The following MYO9A variants were observed in gnomAD, a reference collection of about 807,000 sequenced individuals.
MYO9A encodes unconventional myosin-IXa.
In MYO9A, 103 loss-of-function variants were observed where a neutral mutation model predicts 293.3. The observed-to-expected ratio is 0.35, with a 90% CI of 0.30 to 0.41. MYO9A has a LOEUF of 0.41. Among genes scored for constraint, MYO9A ranks in the 10% least tolerant of loss-of-function variants. The pLI, the probability that MYO9A is intolerant of heterozygous loss-of-function variation, is 1.00. For synonymous variants in MYO9A, 1,001 were observed against 1,035.7 expected (o/e 0.97, Z 0.64); for missense variants, 2,685 against 3,033.0 (o/e 0.89, Z 2.69).
At chr15:71,876,425 A>AT (rs397854202) in intron 31 of MYO9A, among the ~76,000 whole-genome samples, 981 of 61,070 alleles carry the variant, frequency 0.016, 157 homozygotes, top group African/African-American at 0.021. Flanking sequence ...CCTGGCTGGT[A>AT]TTTTTTTTTT....
At position 72,000,079 on chromosome 15, in the gene MYO9A, C is replaced by A. The variant is rs1292586306; in HGVS notation, c.1381-139G>T. 10 of 533,302 alleles carry A rather than the reference C, an allele frequency of 1.9e-5. No individual in the cohort carries two copies. The Admixed American group carries it at 3.1e-4, about 16-fold the overall frequency. 33.0% of individuals were successfully genotyped at this position (533,302 alleles called of 1,614,324 possible). A position where few individuals can be genotyped will look rare whatever the true frequency, so the allele number is the denominator to read the frequency against. ...CAGAGAAAAAAGGCAATACACTGGG[C>A]AATTTTAATACTGGCCAAATGGAAT... On this transcript the variant is annotated intron_variant, in intron 8 of 41. Transcript: ENST00000356056.
chr15:71,945,515 T>C (rs912062446), intron 15 of MYO9A, among the ~76,000 whole-genome samples: 4 of 152,192 alleles, frequency 2.6e-5, no homozygotes, highest in Admixed American at 1.3e-4. Context: ...CTGGCTGCCA[T>C]AGATGTACAG....
intron 1 of MYO9A, among the ~76,000 whole-genome samples, chr15:72,103,978 A>G (rs2080482073): frequency 6.6e-6 from 1 of 152,208 alleles, no homozygotes; most frequent in Non-Finnish European, 1.5e-5. Context: ...TGAACATTTT[A>G]TGCCTTCTCT....
chr15:71,863,666 A>T (rs931077485), intron 32 of MYO9A, among the ~76,000 whole-genome samples: 12 of 152,096 alleles, frequency 7.9e-5, no homozygotes, highest in African/African-American at 2.9e-4. Flanking sequence ...TTTAATTAAA[A>T]TTTTTTTATT....
chr15:72,051,362 C>G (rs1411097712), intron 1 of MYO9A, among the ~76,000 whole-genome samples: 1 of 152,150 alleles, frequency 6.6e-6, no homozygotes, highest in African/African-American at 2.4e-5. Context: ...GTTGACAGGG[C>G]AGGAGTTTCG....
chr15:71,984,268 T>C (rs2076353443), intron 11 of MYO9A, among the ~76,000 whole-genome samples: 1 of 152,250 alleles, frequency 6.6e-6, no homozygotes, highest in Non-Finnish European at 1.5e-5. Flanking sequence ...TGATGCTTGG[T>C]AGTTTAGATG....
rs116329793 is a variant in MYO9A at position 72,062,609 on chromosome 15, C to T, written c.-71-15975G>A. Among the ~76,000 whole-genome samples the T allele has an allele frequency of 6.3e-3, 952 of 152,172 alleles. 10 individuals are homozygous for T. The highest frequency in any genetic ancestry group is 0.019 in the African/African-American group (777 of 41,516). On this transcript the variant is annotated intron_variant, in intron 1 of 41. Transcript: ENST00000356056. ...AGCAGAATTGGTCAAGCAGGAGAAA[C>T]AATTAATGAGCTTGAAGACAGGCTA...
rs775874743 is a variant in MYO9A, at chr15:71,852,128, T to G, written c.6475+4A>C. 5.0e-6 allele frequency: 8 copies of G among 1,609,978 alleles called. No homozygotes were observed. The highest frequency in any genetic ancestry group is 5.9e-6 in the Non-Finnish European group (7 of 1,177,272). On this transcript the variant is annotated splice_donor_region_variant and intron_variant, in intron 36 of 41. Transcript: ENST00000356056. ...TCTCTCTAACCCAGGAAGCCTATGC[T>G]TACCCATAGCTCGAAGAAATTCCTC...
intron 18 of MYO9A, among the ~76,000 whole-genome samples, chr15:71,926,915 C>A (rs1182746717): frequency 6.6e-6 from 1 of 151,998 alleles, no homozygotes; most frequent in Non-Finnish European, 1.5e-5. Flanking sequence ...GGAAGGCACA[C>A]ACAAAATGCA....
At chr15:71,954,134 C>T (rs529444721) in intron 14 of MYO9A, among the ~76,000 whole-genome samples, 10 of 151,208 alleles carry the variant, frequency 6.6e-5, no homozygotes, top group African/African-American at 2.4e-4. Context: ...GACCTCGTGA[C>T]CTGCCTGCCT....
intron 19 of MYO9A, among the ~76,000 whole-genome samples, chr15:71,915,083 C>T (rs1456937917): frequency 6.6e-6 from 1 of 152,114 alleles, no homozygotes; most frequent in Non-Finnish European, 1.5e-5. Context: ...TGCTAATAAA[C>T]TAAAAAATTG....
chr15:71,886,189 T>C (rs555952530), intron 27 of MYO9A, among the ~76,000 whole-genome samples: 151 of 82,378 alleles, frequency 1.8e-3, no homozygotes, highest in Non-Finnish European at 2.5e-3. Flanking sequence ...TTATTTAAAG[T>C]AGGGTAAAAA....
chr15:71,828,699 T>A (rs1024145284), intron 40 of MYO9A, among the ~76,000 whole-genome samples: 1 of 152,240 alleles, frequency 6.6e-6, no homozygotes, highest in African/African-American at 2.4e-5. Flanking sequence ...TTTTCACTAA[T>A]GCCTGACATC....
intron 41 of MYO9A, 57 bp downstream of exon 41, chr15:71,827,827 C>G (rs1277471356): frequency 6.5e-7 from 1 of 1,542,630 alleles, no homozygotes; most frequent in Non-Finnish European, 8.7e-7. Context: ...GTTTTGGAAT[C>G]TTTATTCCTC....
chr15:71,950,467 C>A (rs2059024391), intron 15 of MYO9A: 1 of 152,084 alleles, frequency 6.6e-6, no homozygotes, highest in African/African-American at 2.4e-5. Flanking sequence ...TTAAGTGTTC[C>A]AAAATGTTTT....
intron 2 of MYO9A, chr15:72,041,347 G>A (rs2078220071): frequency 5.4e-6 from 3 of 557,870 alleles, no homozygotes; most frequent in African/African-American, 1.9e-5. Flanking sequence ...GCTTCTGTCG[G>A]CAGGGAAAGG....
Position 71,826,702 on chromosome 15 carries a change from G to GTGAGT in MYO9A, c.7520_7524dup (p.Pro2509ThrfsTer32). The GTGAGT allele has an allele frequency of 6.2e-7, 1 of 1,614,116 alleles. No homozygotes were observed. Among genetic ancestry groups the GTGAGT allele is most frequent in the Non-Finnish European group, 8.5e-7 (1 of 1,179,984 alleles). Reference sequence around the variant, plus strand: ...TCTGGGGTCTCTTTGGTTTTCTGAGGTGAGTTTTTCACATTCTTTAATTTT... The same window carrying GTGAGT: ...TCTGGGGTCTCTTTGGTTTTCTGAGGTGAGTTGAGTTTTTCACATTCTTTAATTTT... On this transcript the variant is annotated frameshift_variant, in exon 42 of 42. Coordinates refer to ENST00000356056, the MANE Select transcript of MYO9A (RefSeq NM_006901.4). LOFTEE classifies it high-confidence loss of function.
upstream of MYO9A, chr15:72,118,361 C>T (rs2081086798): frequency 1.2e-5 from 2 of 172,460 alleles, no homozygotes; most frequent in East Asian, 1.5e-4. Context: ...AAAGGGATGT[C>T]GCAAGGTTGG....
chr15:71,880,243 G>C, intron 29 of MYO9A, 92 bp downstream of exon 29: 2 of 1,091,044 alleles, frequency 1.8e-6, no homozygotes. Flanking sequence ...GGAAGCATAT[G>C]TAATTTTGAT....
Sources: gnomAD v4.1 joint callset for allele counts (sites outside exome capture counted in the v4.1 genomes callset) on GRCh38, gnomAD v4.1.1 for gene constraint, MANE v1.5 for transcripts, NCBI Gene and HGNC (gene_info 2026-07-23, HGNC 2026-07-21) for gene names.